RXFP2: variants seen among roughly 807,000 people sequenced by gnomAD.
The protein encoded by RXFP2 is relaxin receptor 2.
RXFP2 carries 68 observed loss-of-function variants against 88.6 expected under a neutral mutation model. The observed-to-expected ratio is 0.77, with a 90% CI of 0.63 to 0.94. The LOEUF is 0.94. RXFP2 is among the 40% of genes least tolerant of loss of function. RXFP2 has a pLI of 0.00. For synonymous variants in RXFP2, 329 were observed against 306.8 expected (o/e 1.07, Z -0.76); for missense variants, 791 against 893.9 (o/e 0.88, Z 1.47).
rs1428577432 is a variant in RXFP2 at position 31,791,700 on chromosome 13, C to G, written c.1146-106C>G. 4 of 782,124 alleles carry G rather than the reference C, an allele frequency of 5.1e-6. No homozygotes were observed. The African/African-American group carries it at 5.2e-5, about 10-fold the overall frequency. 48.4% of individuals were successfully genotyped at this position (782,124 alleles called of 1,614,324 possible). A position where few individuals can be genotyped will look rare whatever the true frequency, so the allele number is the denominator to read the frequency against. ...CACTACTAAACAAAAATAAACAAAC[C>G]TAGTGAAGTTGTATACCTAGCATGG... On this transcript the variant is annotated intron_variant, in intron 14 of 17. Coordinates refer to ENST00000298386, the MANE Select transcript of RXFP2 (RefSeq NM_130806.5).
At chr13:31,798,670 G>C (rs1177308581) in intron 17 of RXFP2, among the ~76,000 whole-genome samples, 6 of 152,148 alleles carry the variant, frequency 3.9e-5, no homozygotes, top group African/African-American at 7.2e-5. Flanking sequence ...CAAGTGCTGG[G>C]ATGAGCATTA....
At chr13:31,771,226 C>T (rs963768859) in intron 5 of RXFP2, among the ~76,000 whole-genome samples, 2 of 152,146 alleles carry the variant, frequency 1.3e-5, no homozygotes, top group African/African-American at 2.4e-5. Flanking sequence ...ATATCCTATG[C>T]CAGGGGTTCC....
intron 17 of RXFP2, 111 bp downstream of exon 17, chr13:31,797,530 A>G: frequency 1.2e-6 from 1 of 806,224 alleles, no homozygotes; most frequent in South Asian, 1.5e-5. Context: ...AAACCAATAC[A>G]AAGTTATTTC....
intron 1 of RXFP2, among the ~76,000 whole-genome samples, chr13:31,750,908 T>A (rs182200428): frequency 6.6e-5 from 10 of 152,320 alleles, no homozygotes; most frequent in Admixed American, 5.9e-4. Flanking sequence ...AGAGTATATC[T>A]CAGTTTTACA....
At chr13:31,789,071 A>G (rs1467630276) in intron 13 of RXFP2, 51 bp from the exon 14 acceptor site, 2 of 1,106,838 alleles carry the variant, frequency 1.8e-6, no homozygotes, top group East Asian at 4.7e-5. Flanking sequence ...GAATGCAATT[A>G]TTAAAACGTT....
rs564650319 is a variant in RXFP2, at chr13:31,779,591, C to A, written c.785+1008C>A. Reference sequence around the variant, plus strand: ...TTTAATTTACGTCGTACCTTCACCACCATTACCCACCATTCCCTGCCACAT... The same window carrying A: ...TTTAATTTACGTCGTACCTTCACCAACATTACCCACCATTCCCTGCCACAT... On this transcript the variant is annotated intron_variant, in intron 9 of 17. Transcript: ENST00000298386. Among the ~76,000 whole-genome samples the A allele has an allele frequency of 5.3e-5, 8 of 152,300 alleles. No homozygotes were observed. The South Asian group carries it at 1.7e-3, about 32-fold the overall frequency.
At chr13:31,791,591 T>G (rs1279888634) in intron 14 of RXFP2, among the ~76,000 whole-genome samples, 4 of 152,214 alleles carry the variant, frequency 2.6e-5, no homozygotes, top group African/African-American at 4.8e-5. Flanking sequence ...TCATCCAAGT[T>G]ACTGAATTCC....
intron 10 of RXFP2, among the ~76,000 whole-genome samples, 197 bp downstream of exon 10, chr13:31,781,939 A>ATT (rs1873302660): frequency 6.6e-6 from 1 of 152,132 alleles, no homozygotes; most frequent in South Asian, 2.1e-4. Context: ...CCCACCCTTT[A>ATT]GGGACATCAT....
chr13:31,797,082 C>T (rs764079911), intron 16 of RXFP2, 119 bp from the exon 17 acceptor site: 6 of 772,616 alleles, frequency 7.8e-6, no homozygotes, highest in East Asian at 5.2e-5. Flanking sequence ...TTCCGAAATC[C>T]GAAATCCAAA....
intron 17 of RXFP2, among the ~76,000 whole-genome samples, chr13:31,798,227 G>A (rs1295260137): frequency 6.6e-6 from 1 of 152,184 alleles, no homozygotes; most frequent in Non-Finnish European, 1.5e-5. Context: ...ATAAACAGCT[G>A]TAACAACCTA....
intron 3 of RXFP2, among the ~76,000 whole-genome samples, chr13:31,763,236 C>T (rs985996667): frequency 7.2e-5 from 11 of 152,046 alleles, no homozygotes; most frequent in African/African-American, 2.4e-4. Flanking sequence ...AGACATGCAC[C>T]ACCATGCCTG....
In RXFP2 at chr13:31,801,656, G is replaced by A. The variant is rs1184217918; in HGVS notation, c.2006-490G>A. On this transcript the variant is annotated intron_variant, in intron 17 of 17. Transcript: ENST00000298386. The stretch of plus-strand genomic sequence containing the variant: ...AAGTTTAGGGAATGCATTCCTCTTT[G>A]CTCTTCAAAGCTTTTAATAGGATAA... Among the ~76,000 whole-genome samples, 3 of 152,224 alleles carry A rather than the reference G, an allele frequency of 2.0e-5. No homozygotes were observed. In the East Asian group the frequency reaches 5.8e-4, roughly 29 times the overall value.
At chr13:31,781,408 C>A (rs957828292) in intron 9 of RXFP2, among the ~76,000 whole-genome samples, 1 of 152,014 alleles carries the variant, frequency 6.6e-6, no homozygotes, top group East Asian at 1.9e-4. Flanking sequence ...ATGGGTTGGG[C>A]AATATTATAA....
At chr13:31,793,443 T>C (rs968338654) in intron 16 of RXFP2, among the ~76,000 whole-genome samples, 1 of 151,942 alleles carries the variant, frequency 6.6e-6, no homozygotes, top group African/African-American at 2.4e-5. Flanking sequence ...TTTTTTTTTT[T>C]TTACAATCTA....
chr13:31,759,410 A>AAAGAAAGAAAGAAAG (rs1872168975), intron 2 of RXFP2, among the ~76,000 whole-genome samples: 6 of 150,360 alleles, frequency 4.0e-5, no homozygotes, highest in Non-Finnish European at 5.9e-5. Context: ...AGAAAGAAAG[A>AAAGAAAGAAAGAAAG]AAGAAAGAAA....
chr13:31,749,691 T>C (rs1871579653), intron 1 of RXFP2, among the ~76,000 whole-genome samples: 1 of 152,230 alleles, frequency 6.6e-6, no homozygotes, highest in Non-Finnish European at 1.5e-5. Flanking sequence ...TTTTAAAATG[T>C]TTCATTGTCT....
At chr13:31,759,439 A>AG (rs1872189305) in intron 2 of RXFP2, among the ~76,000 whole-genome samples, 1 of 149,444 alleles carries the variant, frequency 6.7e-6, no homozygotes, top group Non-Finnish European at 1.5e-5. Flanking sequence ...GAAAGAAAGA[A>AG]AGAAAGATAC....
At chr13:31,777,264 G>A in intron 7 of RXFP2, 112 bp from the exon 8 acceptor site, 1 of 733,540 alleles carries the variant, frequency 1.4e-6, no homozygotes, top group Non-Finnish European at 2.4e-6. Flanking sequence ...GGAAGGGACA[G>A]GTGAGCCAAG....
intron 16 of RXFP2, among the ~76,000 whole-genome samples, chr13:31,795,048 T>A (rs1342752249): frequency 6.6e-6 from 1 of 152,174 alleles, no homozygotes; most frequent in Non-Finnish European, 1.5e-5. Flanking sequence ...TAGTTTTCAT[T>A]TTAGGAAAGG....
Sources: gnomAD v4.1 joint callset for allele counts (sites outside exome capture counted in the v4.1 genomes callset) on GRCh38, gnomAD v4.1.1 for gene constraint, MANE v1.5 for transcripts, NCBI Gene and HGNC (gene_info 2026-07-23, HGNC 2026-07-21) for gene names.